Variants in MYO1D observed in about 807,000 individuals in gnomAD.
MYO1D encodes the protein unconventional myosin-Id.
In MYO1D, 83 loss-of-function variants were observed where a neutral mutation model predicts 122.0. The ratio of observed to expected loss-of-function variants is 0.68; its 90% CI spans 0.57 to 0.82. The LOEUF is 0.82. Ranked by LOEUF, MYO1D falls within the 40% of genes least tolerant of loss-of-function variation. The pLI is 0.00. For synonymous variants in MYO1D, 464 were observed against 446.9 expected (o/e 1.04, Z -0.48); for missense variants, 1,157 against 1,269.5 (o/e 0.91, Z 1.35).
chr17:32,620,518 G>C (rs1330847623), intron 20 of MYO1D, among the ~76,000 whole-genome samples: 1 of 152,144 alleles, frequency 6.6e-6, no homozygotes, highest in Non-Finnish European at 1.5e-5. Context: ...GTCTGGGATA[G>C]AAAGGAGGCA....
intron 1 of MYO1D, among the ~76,000 whole-genome samples, chr17:32,816,391 GAGA>G (rs2090613951): frequency 6.6e-6 from 1 of 152,296 alleles, no homozygotes; most frequent in Non-Finnish European, 1.5e-5. Context: ...CAGCTAAAGA[GAGA>G]AGGTTAATGT....
At chr17:32,829,299 A>G (rs190844202) in intron 1 of MYO1D, among the ~76,000 whole-genome samples, 52 of 152,326 alleles carry the variant, frequency 3.4e-4, no homozygotes, top group Admixed American at 3.2e-3. Context: ...AACATCAGAC[A>G]AAGTCATTTT....
chr17:32,688,468 T>G (rs1226995408), intron 16 of MYO1D, among the ~76,000 whole-genome samples: 1 of 152,116 alleles, frequency 6.6e-6, no homozygotes, highest in Non-Finnish European at 1.5e-5. Context: ...AACTGACAAA[T>G]GGGTTCTGGC....
intron 1 of MYO1D, among the ~76,000 whole-genome samples, chr17:32,800,159 T>C (rs1360276208): frequency 6.6e-6 from 1 of 152,128 alleles, no homozygotes; most frequent in Non-Finnish European, 1.5e-5. Context: ...AGAATTACCT[T>C]ATGATCCAGC....
intron 21 of MYO1D, among the ~76,000 whole-genome samples, chr17:32,573,337 C>T (rs1366538229): frequency 2.0e-5 from 3 of 152,150 alleles, no homozygotes; most frequent in Non-Finnish European, 2.9e-5. Flanking sequence ...ATCAGAGCCC[C>T]GTGTCTTCTT....
intron 1 of MYO1D, among the ~76,000 whole-genome samples, chr17:32,851,649 T>C (rs2090990324): frequency 6.6e-6 from 1 of 152,198 alleles, no homozygotes; most frequent in African/African-American, 2.4e-5. Context: ...ACAGGTTCTG[T>C]GGAAGACCAT....
rs57125657 is a variant in MYO1D at position 32,686,964 on chromosome 17, AACACACACACACACACACACAC to A, written c.2121+25002_2121+25023del. On this transcript the variant is annotated intron_variant, in intron 16 of 21. Coordinates refer to ENST00000318217, the MANE Select transcript of MYO1D (RefSeq NM_015194.3). Reference sequence around the variant, plus strand: ...TGATAAGAGTGAGATCCTGTTTCAAAACACACACACACACACACACACACACACACACACACACACACCAAAA... The same window carrying A: ...TGATAAGAGTGAGATCCTGTTTCAAAACACACACACACACACACACCAAAA... Among the ~76,000 whole-genome samples the A allele has an allele frequency of 5.8e-3, 850 of 145,526 alleles. 22 individuals are homozygous for A. The highest frequency in any genetic ancestry group is 0.054 in the Admixed American group (797 of 14,710).
intron 16 of MYO1D, among the ~76,000 whole-genome samples, chr17:32,673,090 CTTTTTTTTTTTTTTTTTTTTTTTTTTTTT>C (rs60912187): frequency 2.4e-4 from 7 of 28,628 alleles, no homozygotes; most frequent in African/African-American, 6.1e-4. Context: ...AAACATGCTA[CTTTTTTTTTTTTTTTTTTTTTTTTTTTTT>C]TTTTTTTTGA....
At chr17:32,552,732 CT>C (rs1489551569) in intron 21 of MYO1D, among the ~76,000 whole-genome samples, 3 of 152,234 alleles carry the variant, frequency 2.0e-5, no homozygotes, top group African/African-American at 4.8e-5. Flanking sequence ...ACTGAAGCTT[CT>C]TAAACCGGGA....
At chr17:32,814,748 A>G (rs1245543305) in intron 1 of MYO1D, among the ~76,000 whole-genome samples, 3 of 152,262 alleles carry the variant, frequency 2.0e-5, no homozygotes, top group Admixed American at 2.0e-4. Context: ...TTGCAATTAC[A>G]GATAAACTCC....
intron 21 of MYO1D, among the ~76,000 whole-genome samples, chr17:32,524,387 C>T (rs952346760): frequency 6.6e-6 from 1 of 152,012 alleles, no homozygotes; most frequent in African/African-American, 2.4e-5. Flanking sequence ...ACTTACATTT[C>T]ATTACTTTTT....
At chr17:32,834,116 C>G (rs2090798704) in intron 1 of MYO1D, among the ~76,000 whole-genome samples, 1 of 152,066 alleles carries the variant, frequency 6.6e-6, no homozygotes, top group African/African-American at 2.4e-5. Flanking sequence ...TGTAGGCGCC[C>G]AACAGATGTT....
At chr17:32,862,770 G>A (rs1361727518) in intron 1 of MYO1D, 1 of 152,220 alleles carries the variant, frequency 6.6e-6, no homozygotes, top group Admixed American at 6.5e-5. Flanking sequence ...TGGATAAGTT[G>A]TAATACATTT....
chr17:32,612,557 G>A (rs573540696), intron 20 of MYO1D, among the ~76,000 whole-genome samples: 44 of 151,340 alleles, frequency 2.9e-4, no homozygotes, highest in Admixed American at 1.2e-3. Flanking sequence ...GTGGTGGTGC[G>A]TGCCTGTAGT....
intron 21 of MYO1D, among the ~76,000 whole-genome samples, chr17:32,558,372 T>G (rs1597896679): frequency 6.6e-6 from 1 of 152,220 alleles, no homozygotes; most frequent in Non-Finnish European, 1.5e-5. Context: ...CTTTGAAGTT[T>G]GATTAAAAGT....
chr17:32,742,083 G>A (rs1236736586), intron 13 of MYO1D, among the ~76,000 whole-genome samples: 1 of 151,392 alleles, frequency 6.6e-6, no homozygotes, highest in Non-Finnish European at 1.5e-5. Context: ...TGCTAGACAT[G>A]TACAGACTTT....
chr17:32,710,953 T>C (rs978866324), intron 16 of MYO1D, among the ~76,000 whole-genome samples: 1 of 152,210 alleles, frequency 6.6e-6, no homozygotes, highest in Non-Finnish European at 1.5e-5. Flanking sequence ...AACCCTCATA[T>C]ACAGCTGTTG....
At chr17:32,731,466 T>C (rs1197503480) in intron 14 of MYO1D, among the ~76,000 whole-genome samples, 2 of 152,256 alleles carry the variant, frequency 1.3e-5, no homozygotes, top group Non-Finnish European at 2.9e-5. Flanking sequence ...ATCATTTCTG[T>C]ATCAGAAGTT....
chr17:32,700,556 T>C (rs971718074), intron 16 of MYO1D, among the ~76,000 whole-genome samples: 4 of 152,180 alleles, frequency 2.6e-5, no homozygotes, highest in Non-Finnish European at 4.4e-5. Flanking sequence ...AGTGTTCAAC[T>C]CCAGAAGTTG....
Sources: allele counts gnomAD v4.1 joint callset (sites outside exome capture counted in the v4.1 genomes callset), GRCh38; gene constraint gnomAD v4.1.1; transcripts MANE v1.5; gene names NCBI Gene and HGNC (gene_info 2026-07-23, HGNC 2026-07-21).